The following AGTPBP1 variants were observed in gnomAD, a reference collection of about 807,000 sequenced individuals.
AGTPBP1 encodes the protein ATP/GTP binding carboxypeptidase 1, also known as cytosolic carboxypeptidase 1.
AGTPBP1 carries 70 observed loss-of-function variants against 143.9 expected under a neutral mutation model. The ratio of observed to expected loss-of-function variants is 0.49; its 90% confidence interval spans 0.40 to 0.59. The LOEUF (loss-of-function observed/expected upper bound fraction) is 0.59, where lower values mean the gene tolerates loss of function less well. Ranked by LOEUF, AGTPBP1 falls within the 20% of genes least tolerant of loss-of-function variation. AGTPBP1 has a pLI of 0.00. For synonymous variants in AGTPBP1, 463 were observed against 500.2 expected, an observed-to-expected ratio of 0.93 and a Z score of 0.99; for missense variants, 1,229 against 1,464.5, an observed-to-expected ratio of 0.84 and a Z score of 2.62.
intron 17 of AGTPBP1, among the ~76,000 whole-genome samples, chr9:85,606,764 T>A (rs181554531): frequency 2.0e-5 from 3 of 151,964 alleles, no homozygotes; most frequent in Admixed American, 6.6e-5. Context: ...ATGGATGGAA[T>A]TGGAAGTCTT....
chr9:85,800,895 A>G, the AGTPBP1 span, among the ~76,000 whole-genome samples: 1 of 152,120 alleles, frequency 6.6e-6, no homozygotes, highest in Non-Finnish European at 1.5e-5. Context: ...GCAATCTTAT[A>G]TAACATGGTA....
intron 1 of AGTPBP1, among the ~76,000 whole-genome samples, chr9:85,735,770 T>C (rs1260270356): frequency 1.3e-5 from 2 of 152,184 alleles, no homozygotes; most frequent in South Asian, 2.1e-4. Context: ...AAAATAATAT[T>C]TTTTAATTCA....
chr9:85,589,513 G>T lies in AGTPBP1; in HGVS notation c.2722+15C>A, dbSNP rs773016216. 1.9e-6 allele frequency: 3 copies of T among 1,593,718 alleles called. No homozygotes were observed. The highest frequency in any genetic ancestry group is 2.6e-6 in the Non-Finnish European group (3 of 1,171,886). On this transcript the variant is annotated intron_variant, in intron 20 of 25. Coordinates refer to ENST00000357081, the MANE Select transcript of AGTPBP1 (RefSeq NM_001330701.2). The stretch of plus-strand genomic sequence containing the variant: ...TGAGAATGACTGCTATTGTGAGTTG[G>T]GAAGACAAACTTACTGAAATGGCAG...
chr9:85,657,703 T>A, intron 9 of AGTPBP1, 60 bp from the exon 10 acceptor site: 3 of 1,241,088 alleles, frequency 2.4e-6, no homozygotes, highest in Non-Finnish European at 3.4e-6. Context: ...AGTGGTAGAA[T>A]AATCAAATTT....
chr9:85,717,991 C>G (rs1837829604), intron 1 of AGTPBP1, among the ~76,000 whole-genome samples: 1 of 152,128 alleles, frequency 6.6e-6, no homozygotes, highest in African/African-American at 2.4e-5. Context: ...ATCCACGTCC[C>G]TGCAAAGGAC....
intron 17 of AGTPBP1, among the ~76,000 whole-genome samples, chr9:85,598,394 C>G (rs1038535985): frequency 2.6e-5 from 4 of 152,218 alleles, no homozygotes; most frequent in Non-Finnish European, 4.4e-5. Flanking sequence ...ACATCTCCAT[C>G]TCGGGTTTCA....
the AGTPBP1 span, among the ~76,000 whole-genome samples, chr9:85,768,162 T>G: frequency 6.6e-6 from 1 of 152,252 alleles, no homozygotes; most frequent in Non-Finnish European, 1.5e-5. Context: ...TGGAGCGGGC[T>G]GTCCTTGGGT....
At chr9:85,773,427 A>AG in the AGTPBP1 span, among the ~76,000 whole-genome samples, 1 of 126,072 alleles carries the variant, frequency 7.9e-6, no homozygotes, top group Admixed American at 1.0e-4. Flanking sequence ...TCCGCCTCCC[A>AG]GGTTCAAGCC....
intron 14 of AGTPBP1, among the ~76,000 whole-genome samples, chr9:85,625,702 A>G (rs1010821324): frequency 2.8e-4 from 42 of 151,822 alleles, no homozygotes; most frequent in African/African-American, 9.7e-4. Context: ...TGGCTAACAC[A>G]GTGAAACCCC....
the AGTPBP1 span, among the ~76,000 whole-genome samples, chr9:85,763,903 A>C: frequency 6.6e-5 from 10 of 152,152 alleles, no homozygotes; most frequent in East Asian, 3.9e-4. Context: ...TTACTGTGAA[A>C]AGTATTTTAC....
chr9:85,624,797 A>G lies in AGTPBP1; in HGVS notation c.2016-3512T>C, dbSNP rs564755517. On this transcript the variant is annotated intron_variant, in intron 14 of 25. Transcript: ENST00000357081. ...CACAACCTGTATCTTCCATCCACAT[A>G]ATCAAGGAACTACTTTTATTACTTT... is the stretch of plus-strand genomic sequence containing the variant. Among the ~76,000 whole-genome samples, 37 of 152,336 alleles carry G rather than the reference A, an allele frequency of 2.4e-4. 1 individual carries two copies. The South Asian group carries it at 5.2e-3, about 21-fold the overall frequency.
intron 17 of AGTPBP1, among the ~76,000 whole-genome samples, chr9:85,608,302 C>T (rs1179467895): frequency 6.6e-6 from 1 of 151,782 alleles, no homozygotes; most frequent in East Asian, 1.9e-4. Context: ...TAAGATCAAC[C>T]TCCTACATAA....
chr9:85,563,562 A>T lies in AGTPBP1; in HGVS notation c.3503+11753T>A, dbSNP rs141225110. 2.0e-3 allele frequency among the ~76,000 whole-genome samples: 312 copies of T among 152,330 alleles called. 1 individual carries two copies. Among genetic ancestry groups the T allele is most frequent in the African/African-American group, 6.3e-3 (260 of 41,566 alleles). On this transcript the variant is annotated intron_variant, in intron 25 of 25. Transcript: ENST00000357081. ...GCAAGACAAGAGAAATTAAAGATGGAATCATTCACGAGAGAGGAAGCAGAA... is the reference window on the plus strand; with the variant it reads ...GCAAGACAAGAGAAATTAAAGATGGTATCATTCACGAGAGAGGAAGCAGAA...
chr9:85,774,149 T>C, the AGTPBP1 span: 1 of 764,228 alleles, frequency 1.3e-6, no homozygotes, highest in South Asian at 1.7e-5. Flanking sequence ...TAGTTGCTAC[T>C]TAGACAAGTT....
the AGTPBP1 span, among the ~76,000 whole-genome samples, chr9:85,798,656 C>T: frequency 1.3e-5 from 2 of 152,152 alleles, no homozygotes; most frequent in South Asian, 4.1e-4. Context: ...CACACCTGGC[C>T]TCTAAAGCTC....
At chr9:85,575,994 C>A (rs887890720) in intron 24 of AGTPBP1, among the ~76,000 whole-genome samples, 1 of 152,030 alleles carries the variant, frequency 6.6e-6, no homozygotes, top group Non-Finnish European at 1.5e-5. Context: ...CAAATCTAAG[C>A]CAATGAAGTA....
chr9:85,677,205 A>C (rs1314162704), intron 6 of AGTPBP1, among the ~76,000 whole-genome samples: 2 of 152,208 alleles, frequency 1.3e-5, no homozygotes, highest in Non-Finnish European at 2.9e-5. Flanking sequence ...CCCAACACAA[A>C]GAAATAATGA....
intron 13 of AGTPBP1, among the ~76,000 whole-genome samples, chr9:85,638,281 G>A (rs1048239342): frequency 4.0e-5 from 6 of 151,724 alleles, no homozygotes; most frequent in East Asian, 1.9e-4. Context: ...GAATTTTTGC[G>A]TATTTGTCAA....
the AGTPBP1 span, chr9:85,793,444 C>T: frequency 6.6e-6 from 1 of 152,098 alleles, no homozygotes; most frequent in Non-Finnish European, 1.5e-5. Context: ...CCTTCATAAA[C>T]ATTCAGAGGG....
Sources: gnomAD v4.1 joint callset for allele counts (sites outside exome capture counted in the v4.1 genomes callset) on GRCh38, gnomAD v4.1.1 for gene constraint, MANE v1.5 for transcripts, NCBI Gene and HGNC (gene_info 2026-07-23, HGNC 2026-07-21) for gene names.